The following CADPS2 variants were observed in gnomAD, a reference collection of about 807,000 sequenced individuals.
The protein encoded by CADPS2 is calcium dependent secretion activator 2.
CADPS2 carries 93 observed loss-of-function variants against 172.5 expected under a neutral mutation model. That is an observed-to-expected ratio of 0.54 (90% CI 0.46 to 0.64). The LOEUF (loss-of-function observed/expected upper bound fraction) is 0.64, where lower values mean the gene tolerates loss of function less well. Among genes scored for constraint, CADPS2 ranks in the 30% least tolerant of loss-of-function variants. CADPS2 has a pLI of 0.00. For synonymous variants in CADPS2, 546 were observed against 555.2 expected (o/e 0.98, Z 0.23); for missense variants, 1,420 against 1,565.9 (o/e 0.91, Z 1.57).
At chr7:122,751,520 T>C (rs1000753344) in intron 1 of CADPS2, among the ~76,000 whole-genome samples, 1 of 152,276 alleles carries the variant, frequency 6.6e-6, no homozygotes, top group Non-Finnish European at 1.5e-5. Flanking sequence ...AGAATGTAAA[T>C]GATGACCTTT....
chr7:122,442,710 G>A (rs956156176), intron 15 of CADPS2, among the ~76,000 whole-genome samples: 2 of 151,868 alleles, frequency 1.3e-5, no homozygotes, highest in South Asian at 2.1e-4. Context: ...TATTAGGATT[G>A]GATTTTATAT....
chr7:122,559,734 G>GT (rs2065483841), intron 7 of CADPS2, among the ~76,000 whole-genome samples: 1 of 141,434 alleles, frequency 7.1e-6, no homozygotes, highest in South Asian at 2.2e-4. Context: ...CTGTGCCATT[G>GT]CACTCCAGCC....
intron 6 of CADPS2, among the ~76,000 whole-genome samples, chr7:122,593,895 A>G (rs2071311338): frequency 6.6e-6 from 1 of 152,068 alleles, no homozygotes; most frequent in Non-Finnish European, 1.5e-5. Context: ...ACAATAGGCA[A>G]AGTGTTACAA....
chr7:122,747,034 C>T (rs2092745801), intron 1 of CADPS2, among the ~76,000 whole-genome samples: 1 of 152,130 alleles, frequency 6.6e-6, no homozygotes, highest in Non-Finnish European at 1.5e-5. Context: ...TCCCCACTAA[C>T]AATGTAACCT....
intron 2 of CADPS2, among the ~76,000 whole-genome samples, chr7:122,704,198 G>A (rs1225240091): frequency 6.6e-6 from 1 of 151,884 alleles, no homozygotes; most frequent in Non-Finnish European, 1.5e-5. Flanking sequence ...TGTATTCCCT[G>A]GCCTATTTTA....
chr7:122,644,157 G>C (rs75482182), intron 3 of CADPS2, among the ~76,000 whole-genome samples: 26,732 of 152,100 alleles, frequency 0.18, 3,096 homozygotes, highest in Non-Finnish European at 0.26. Context: ...GAATAAGAGA[G>C]AATGACCACC....
intron 2 of CADPS2, among the ~76,000 whole-genome samples, chr7:122,670,089 C>T (rs2081636106): frequency 6.6e-6 from 1 of 152,018 alleles, no homozygotes; most frequent in Non-Finnish European, 1.5e-5. Flanking sequence ...CAAGGGATGA[C>T]AGCAAACAGC....
intron 2 of CADPS2, among the ~76,000 whole-genome samples, chr7:122,716,871 A>C (rs895206294): frequency 2.0e-5 from 3 of 152,064 alleles, no homozygotes; most frequent in East Asian, 3.9e-4. Flanking sequence ...CTGATTTATA[A>C]ACAAGAAAGC....
At chr7:122,459,527 T>C (rs958403791) in intron 14 of CADPS2, among the ~76,000 whole-genome samples, 3 of 152,144 alleles carry the variant, frequency 2.0e-5, no homozygotes, top group Middle Eastern at 3.2e-3. Context: ...TCACCAACTG[T>C]AGTCTTTATC....
intron 14 of CADPS2, among the ~76,000 whole-genome samples, chr7:122,465,307 A>G (rs1464134137): frequency 6.6e-6 from 1 of 152,194 alleles, no homozygotes; most frequent in Non-Finnish European, 1.5e-5. Context: ...AAAGCCTGAG[A>G]ATTTCTGTAG....
chr7:122,631,711 A>G (rs2076592279), intron 3 of CADPS2, among the ~76,000 whole-genome samples: 1 of 151,034 alleles, frequency 6.6e-6, no homozygotes, highest in South Asian at 2.1e-4. Context: ...TTTTAATTTC[A>G]GATTTGGAGG....
intron 3 of CADPS2, among the ~76,000 whole-genome samples, chr7:122,638,179 C>T (rs911993624): frequency 6.6e-6 from 1 of 152,132 alleles, no homozygotes; most frequent in Non-Finnish European, 1.5e-5. Context: ...GGCTATAGAG[C>T]TCCCTAAGGC....
intron 8 of CADPS2, among the ~76,000 whole-genome samples, chr7:122,538,456 G>A (rs963484536): frequency 1.4e-5 from 2 of 147,766 alleles, no homozygotes; most frequent in African/African-American, 5.0e-5. Context: ...CAGATAAATT[G>A]AAGGGTATTA....
chr7:122,723,094 C>T (rs1408175637), intron 2 of CADPS2, among the ~76,000 whole-genome samples: 1 of 152,058 alleles, frequency 6.6e-6, no homozygotes, highest in Non-Finnish European at 1.5e-5. Flanking sequence ...AAAACCTAGG[C>T]AATACCATTC....
At chr7:122,729,805 TA>T (rs988808306) in intron 2 of CADPS2, among the ~76,000 whole-genome samples, 5 of 150,158 alleles carry the variant, frequency 3.3e-5, no homozygotes, top group African/African-American at 1.2e-4. Flanking sequence ...TGCACCAACA[TA>T]ATCAGCTCTT....
At chr7:122,380,174 A>G (rs2042827988) in intron 24 of CADPS2, among the ~76,000 whole-genome samples, 1 of 152,090 alleles carries the variant, frequency 6.6e-6, no homozygotes, top group African/African-American at 2.4e-5. Context: ...TTTAGAGAAT[A>G]CTAGAGGGCT....
intron 2 of CADPS2, among the ~76,000 whole-genome samples, chr7:122,723,881 A>G (rs2137207731): frequency 6.6e-6 from 1 of 152,242 alleles, no homozygotes; most frequent in Non-Finnish European, 1.5e-5. Flanking sequence ...CTTTGTAGGG[A>G]CATGGATGAA....
At chr7:122,334,537 T>C (rs2035543769) in intron 28 of CADPS2, among the ~76,000 whole-genome samples, 3 of 152,336 alleles carry the variant, frequency 2.0e-5, no homozygotes, top group South Asian at 4.1e-4. Context: ...GGAGCTGATA[T>C]AAGCCTGGCT....
At chr7:122,819,666 G>A (rs373586029) in intron 1 of CADPS2, among the ~76,000 whole-genome samples, 29,794 of 151,498 alleles carry the variant, frequency 0.2, 2,896 homozygotes, top group Middle Eastern at 0.3. Context: ...ATCCCCACCT[G>A]CCCAGTTCCC....
Sources: gnomAD v4.1 joint callset for allele counts (sites outside exome capture counted in the v4.1 genomes callset) on GRCh38, gnomAD v4.1.1 for gene constraint, MANE v1.5 for transcripts, NCBI Gene and HGNC (gene_info 2026-07-23, HGNC 2026-07-21) for gene names.